The following NOMO1 variants were observed in gnomAD, a reference collection of about 807,000 sequenced individuals.
The protein encoded by NOMO1 is nodal modulator 3.
NOMO1 carries 40 observed loss-of-function variants against 133.8 expected under a neutral mutation model. The observed-to-expected ratio is 0.30, with a 90% CI of 0.23 to 0.39. NOMO1 has a LOEUF of 0.39. NOMO1 is among the 10% of genes least tolerant of loss of function. The pLI is 1.00. For synonymous variants in NOMO1, 236 were observed against 570.5 expected, an observed-to-expected ratio of 0.41 and a Z score of 8.36; for missense variants, 462 against 1,419.9, an observed-to-expected ratio of 0.33 and a Z score of 10.84.
chr16:14,884,513 G>T, intron 27 of NOMO1, 31 bp downstream of exon 27: 1 of 1,611,458 alleles, frequency 6.2e-7, no homozygotes, highest in East Asian at 2.2e-5. Flanking sequence ...TCCAAGTATT[G>T]TGTTCCCTTT....
At chr16:14,860,722 T>G (rs1253368272) in intron 11 of NOMO1, among the ~76,000 whole-genome samples, 1 of 152,066 alleles carries the variant, frequency 6.6e-6, no homozygotes, top group African/African-American at 2.4e-5. Flanking sequence ...TTTTCTCCTT[T>G]AAAGTAGAGT....
chr16:14,873,602 T>C (rs1964109294), intron 18 of NOMO1, among the ~76,000 whole-genome samples: 2 of 150,720 alleles, frequency 1.3e-5, no homozygotes, highest in Non-Finnish European at 3.0e-5. Flanking sequence ...ATTTACTGTC[T>C]CCCTGCTTGG....
At position 14,874,976 on chromosome 16, in the gene NOMO1, T is replaced by C. The variant is rs1964132438; in HGVS notation, c.2055-60T>C. 3 of 1,611,986 alleles carry C rather than the reference T, an allele frequency of 1.9e-6. No homozygotes were observed. In the Admixed American group the frequency reaches 5.0e-5, roughly 27 times the overall value. On this transcript the variant is annotated intron_variant, in intron 18 of 30. Transcript: ENST00000287667. ...TCGCAAGTCCATACTCGTAGAAAGG[T>C]CAAATTCCCACTGACCACAAGGATA...
intron 9 of NOMO1, 61 bp from the exon 10 acceptor site, chr16:14,857,156 T>A: frequency 6.2e-7 from 1 of 1,612,388 alleles, no homozygotes; most frequent in Non-Finnish European, 8.5e-7. Flanking sequence ...GCAGAAGGAG[T>A]CTTTGTGGCT....
intron 22 of NOMO1, among the ~76,000 whole-genome samples, chr16:14,877,350 C>CGTGCTGCGATTGTACAGAGTG (rs1964176945): frequency 7.0e-6 from 1 of 143,034 alleles, no homozygotes; most frequent in Non-Finnish European, 1.5e-5. Context: ...TGGGAAGAAG[C>CGTGCTGCGATTGTACAGAGTG]GTGCTGCGAT....
intron 3 of NOMO1, among the ~76,000 whole-genome samples, chr16:14,843,715 T>TTG (rs59391735): frequency 0.6 from 75,308 of 125,672 alleles, 23,647 homozygotes; most frequent in Admixed American, 0.69. Context: ...ATTGGAGTCT[T>TTG]TGTGTGTGTG....
intron 1 of NOMO1, among the ~76,000 whole-genome samples, chr16:14,836,694 C>CTTTT (rs954619401): frequency 1.4e-4 from 18 of 131,242 alleles, no homozygotes; most frequent in Non-Finnish European, 2.3e-4. Flanking sequence ...TTCCATTTTA[C>CTTTT]TTTTTTTTTT....
chr16:14,843,626 T>C (rs1265926099), intron 3 of NOMO1, among the ~76,000 whole-genome samples: 1 of 152,014 alleles, frequency 6.6e-6, no homozygotes, highest in Non-Finnish European at 1.5e-5. Flanking sequence ...AAAATTCCAC[T>C]TTTTTGTATG....
intron 2 of NOMO1, among the ~76,000 whole-genome samples, chr16:14,839,177 C>G (rs572364542): frequency 8.4e-4 from 127 of 151,994 alleles, no homozygotes; most frequent in Non-Finnish European, 1.5e-3. Context: ...TCCTCAGCCT[C>G]CCAAATAGCT....
chr16:14,842,144 T>C (rs906785508), intron 3 of NOMO1, among the ~76,000 whole-genome samples: 1 of 150,712 alleles, frequency 6.6e-6, no homozygotes, highest in Non-Finnish European at 1.5e-5. Flanking sequence ...GAAGAGAGGG[T>C]CTGTTTTGAT....
chr16:14,866,441 A>G (rs1963996028), intron 14 of NOMO1, 114 bp from the exon 15 acceptor site: 1 of 1,595,774 alleles, frequency 6.3e-7, no homozygotes. Context: ...CTTTATGTCT[A>G]CATACACACC....
intron 11 of NOMO1, among the ~76,000 whole-genome samples, chr16:14,862,093 G>A (rs931519542): frequency 6.6e-5 from 10 of 151,574 alleles, no homozygotes; most frequent in Non-Finnish European, 1.5e-4. Flanking sequence ...GCGGAGTGGT[G>A]GTTCCAACAT....
At chr16:14,847,831 T>C (rs1963704816) in intron 5 of NOMO1, among the ~76,000 whole-genome samples, 1 of 152,030 alleles carries the variant, frequency 6.6e-6, no homozygotes, top group African/African-American at 2.4e-5. Flanking sequence ...AAACTAGTTT[T>C]CATTTTTGAA....
intron 7 of NOMO1, 113 bp from the exon 8 acceptor site, chr16:14,853,354 A>C: frequency 1.4e-6 from 1 of 706,504 alleles, no homozygotes; most frequent in Non-Finnish European, 2.2e-6. Flanking sequence ...GATTTCAGAA[A>C]TACATATATT....
intron 9 of NOMO1, 57 bp from the exon 10 acceptor site, chr16:14,857,160 T>C (rs1963851810): frequency 6.2e-7 from 1 of 1,612,738 alleles, no homozygotes. Context: ...AAGGAGTCTT[T>C]GTGGCTCTGG....
intron 18 of NOMO1, 124 bp from the exon 19 acceptor site, chr16:14,874,912 C>T (rs1443580915): frequency 9.3e-6 from 7 of 753,802 alleles, no homozygotes; most frequent in East Asian, 2.7e-5. Context: ...CAGAAGACTC[C>T]GCCACTGTGG....
At chr16:14,875,296 G>A in intron 19 of NOMO1, 42 bp downstream of exon 19, 1 of 1,608,920 alleles carries the variant, frequency 6.2e-7, no homozygotes, top group East Asian at 2.2e-5. Flanking sequence ...CCTCTGTTTT[G>A]TGGGGACAGG....
Position 14,875,106 on chromosome 16 carries a change from C to A in NOMO1, c.2125C>A (p.Gln709Lys). 6.2e-7 allele frequency: 1 copy of A among 1,613,786 alleles called. No homozygotes were observed. The highest frequency in any genetic ancestry group is 8.5e-7 in the Non-Finnish European group (1 of 1,179,828). ...GTCTGTGCAGGAGCTGCGGAGGGAG[C>A]AGCAGCTGGCTGAGATCGAGGCCCG... ...LKSVQELRRE[Q>K]QLAEIEARRQ... The change falls in exon 19 of 31, where the codon CAG (glutamine) becomes AAG (lysine). Residue 709 changes from glutamine to lysine, a missense_variant. Transcript: ENST00000287667.
intron 27 of NOMO1, among the ~76,000 whole-genome samples, chr16:14,884,945 G>A (rs1221044055): frequency 2.0e-5 from 3 of 152,034 alleles, no homozygotes; most frequent in Non-Finnish European, 2.9e-5. Flanking sequence ...TCTGTAGGTT[G>A]TACAGGAAGC....
Sources: gnomAD v4.1 joint callset for allele counts (sites outside exome capture counted in the v4.1 genomes callset) on GRCh38, gnomAD v4.1.1 for gene constraint, MANE v1.5 for transcripts, NCBI Gene and HGNC (gene_info 2026-07-23, HGNC 2026-07-21) for gene names.